TRIM71: variants seen among roughly 807,000 people sequenced by gnomAD.
The protein encoded by TRIM71 is E3 ubiquitin-protein ligase TRIM71.
TRIM71 carries 9 observed loss-of-function variants against 61.2 expected under a neutral mutation model. The observed-to-expected ratio is 0.15, with a 90% CI of 0.09 to 0.26. The LOEUF is 0.26. Among genes scored for constraint, TRIM71 ranks in the 10% least tolerant of loss-of-function variants. TRIM71 has a pLI of 1.00. For synonymous variants in TRIM71, 645 were observed against 553.2 expected (o/e 1.17, Z -2.33); for missense variants, 998 against 1,238.7 (o/e 0.81, Z 2.92).
At chr3:32,864,672 C>T (rs946585372) in intron 1 of TRIM71, among the ~76,000 whole-genome samples, 1 of 152,184 alleles carries the variant, frequency 6.6e-6, no homozygotes, top group African/African-American at 2.4e-5. Flanking sequence ...GAGTGTCTGC[C>T]GTCTGCCCTC....
intron 1 of TRIM71, among the ~76,000 whole-genome samples, chr3:32,851,471 TTTTTTG>T (rs1383050166): frequency 2.6e-5 from 4 of 152,240 alleles, no homozygotes; most frequent in South Asian, 2.1e-4. Flanking sequence ...GGAAACTTTG[TTTTTTG>T]TTTTTGTTTT....
rs1377855978 is a variant in TRIM71, at chr3:32,892,282, A to G, written c.*471A>G. On this transcript the variant is annotated 3_prime_UTR_variant, in exon 4 of 4. Coordinates refer to ENST00000383763, the MANE Select transcript of TRIM71 (RefSeq NM_001039111.3). ...AAGTAAAAAAACAAAAAACTATAAA[A>G]CATGGAAAAAATAGGATTTGAAATG... is the stretch of plus-strand genomic sequence containing the variant. 6.5e-6 allele frequency: 1 copy of G among 154,442 alleles called. No homozygotes were observed. The highest frequency in any genetic ancestry group is 2.4e-5 in the African/African-American group (1 of 41,460). The allele number at this position is 154,442 out of a possible 1,614,324, so 9.6% of individuals were successfully genotyped here. A position where few individuals can be genotyped will look rare whatever the true frequency, so the allele number is the denominator to read the frequency against.
rs556426402 is a variant in TRIM71 at position 32,831,871 on chromosome 3, G to A, written c.852+12939G>A. On this transcript the variant is annotated intron_variant, in intron 1 of 3. Coordinates refer to ENST00000383763, the MANE Select transcript of TRIM71 (RefSeq NM_001039111.3). ...CCTTAAAAGATATATTTTGGTTGAT[G>A]GCCAAGCAGTATTTGATGCCATGAA... is the stretch of plus-strand genomic sequence containing the variant. Among the ~76,000 whole-genome samples, 5 of 152,290 alleles carry A rather than the reference G, an allele frequency of 3.3e-5. No homozygotes were observed. The South Asian group carries it at 1.0e-3, about 32-fold the overall frequency.
chr3:32,858,875 A>G (rs1696634692), intron 1 of TRIM71, among the ~76,000 whole-genome samples: 1 of 152,182 alleles, frequency 6.6e-6, no homozygotes, highest in South Asian at 2.1e-4. Flanking sequence ...TCGATTATGT[A>G]ACTGAAACCA....
chr3:32,833,004 G>A (rs539280784), intron 1 of TRIM71, among the ~76,000 whole-genome samples: 2 of 151,622 alleles, frequency 1.3e-5, no homozygotes, highest in Non-Finnish European at 2.9e-5. Context: ...GTGAAACCCC[G>A]TCTCTACTAA....
At chr3:32,824,965 T>C (rs1696184751) in intron 1 of TRIM71, among the ~76,000 whole-genome samples, 1 of 152,068 alleles carries the variant, frequency 6.6e-6, no homozygotes, top group Non-Finnish European at 1.5e-5. Flanking sequence ...TGGCTAATTT[T>C]TGTATTTTTA....
rs373210826 is a variant in TRIM71, at chr3:32,878,632, A to G, written c.1020+4647A>G. ...CCCTGTCTCAAAAAAATAAATGAATAAATAAATAAAAATTTTAAAAATTCC... is the reference window on the plus strand; with the variant it reads ...CCCTGTCTCAAAAAAATAAATGAATGAATAAATAAAAATTTTAAAAATTCC... On this transcript the variant is annotated intron_variant, in intron 2 of 3. Transcript: ENST00000383763. Among the ~76,000 whole-genome samples the G allele has an allele frequency of 5.7e-5, 8 of 141,118 alleles. No individual in the cohort carries two copies. In the South Asian group the frequency reaches 8.6e-4, roughly 15 times the overall value. 92.6% of individuals were successfully genotyped at this position (141,118 alleles called of 152,430 possible).
chr3:32,844,751 G>A (rs944839477), intron 1 of TRIM71, among the ~76,000 whole-genome samples: 8 of 152,060 alleles, frequency 5.3e-5, no homozygotes, highest in South Asian at 2.1e-4. Flanking sequence ...TGATGAAGTC[G>A]GTTAACCAAC....
chr3:32,864,469 G>T (rs949198293), intron 1 of TRIM71, among the ~76,000 whole-genome samples: 4 of 152,224 alleles, frequency 2.6e-5, no homozygotes, highest in Admixed American at 2.0e-4. Flanking sequence ...AGATAACAAG[G>T]TGCCAGCCCA....
Position 32,886,027 on chromosome 3 carries a change from A to G in TRIM71, c.1114A>G (p.Lys372Glu). 2 of 1,614,152 alleles carry G rather than the reference A, an allele frequency of 1.2e-6. No individual in the cohort carries two copies. The highest frequency in any genetic ancestry group is 1.7e-6 in the Non-Finnish European group (2 of 1,180,000). ...SEVKAVTARH[K>E]KALEERECEL... The stretch of plus-strand genomic sequence containing the variant: ...GGTCAAAGCCGTGACGGCGAGGCAT[A>G]AGAAAGCCCTGGAGGAACGCGAGTG... The change falls in exon 3 of 4, where the codon AAG (lysine) becomes GAG (glutamate). Residue 372 changes from lysine (K) to glutamate (E), a missense_variant. By Grantham distance (56) the Lys-to-Glu change is moderately conservative (BLOSUM62 1). This residue lies in a region of TRIM71 where 291 missense variants were observed against 431.2 expected (regional missense o/e 0.67). Transcript: ENST00000383763.
At chr3:32,843,358 G>A (rs1696433443) in intron 1 of TRIM71, among the ~76,000 whole-genome samples, 1 of 152,138 alleles carries the variant, frequency 6.6e-6, no homozygotes, top group Non-Finnish European at 1.5e-5. Flanking sequence ...ATCAACCAGA[G>A]TTCTAAGGCA....
rs114209930 is a variant in TRIM71 at position 32,822,082 on chromosome 3, C to A, written c.852+3150C>A. Among the ~76,000 whole-genome samples the A allele has an allele frequency of 7.8e-3, 1,185 of 152,224 alleles. 11 individuals carry two copies. Among genetic ancestry groups the A allele is most frequent in the Non-Finnish European group, 0.013 (854 of 67,998 alleles). On this transcript the variant is annotated intron_variant, in intron 1 of 3. Transcript: ENST00000383763. ...CCCTTTGCAGCCTTGGAGGCGACAC[C>A]GGCAGCAGAAATGCTGGGTGTGTTG...
intron 1 of TRIM71, among the ~76,000 whole-genome samples, chr3:32,854,063 A>G (rs904339497): frequency 6.6e-5 from 10 of 151,820 alleles, no homozygotes; most frequent in Admixed American, 6.6e-4. Flanking sequence ...ATCTTGGCTC[A>G]CAGCAACCTC....
chr3:32,867,073 C>G (rs186499821), intron 1 of TRIM71, among the ~76,000 whole-genome samples: 233 of 148,826 alleles, frequency 1.6e-3, no homozygotes, highest in Middle Eastern at 6.8e-3. Flanking sequence ...GTTTTCCTTT[C>G]AAATTGTCTT....
At chr3:32,846,883 T>C (rs1201545781) in intron 1 of TRIM71, among the ~76,000 whole-genome samples, 1 of 152,212 alleles carries the variant, frequency 6.6e-6, no homozygotes, top group East Asian at 1.9e-4. Context: ...TTTTAAAGGC[T>C]GAATAGTATT....
At chr3:32,826,579 G>GTTTTTTT (rs1696204240) in intron 1 of TRIM71, among the ~76,000 whole-genome samples, 7 of 48,830 alleles carry the variant, frequency 1.4e-4, no homozygotes, top group Non-Finnish European at 2.2e-4. Context: ...CATCAGGTGA[G>GTTTTTTT]TTCTTTTTTT....
rs1274097371 is a variant in TRIM71, at chr3:32,892,077, T to C, written c.*266T>C. 1.3e-5 allele frequency: 5 copies of C among 397,350 alleles called. No homozygotes were observed. The highest frequency in any genetic ancestry group is 1.1e-4 in the African/African-American group (5 of 46,520). 24.6% of individuals were successfully genotyped at this position (397,350 alleles called of 1,614,324 possible). ...ATAATTTCTATCTACCTCATAAATC[T>C]TTACATTTCCTTCTGCAACAGGCCC... On this transcript the variant is annotated 3_prime_UTR_variant, in exon 4 of 4. Coordinates refer to ENST00000383763, the MANE Select transcript of TRIM71 (RefSeq NM_001039111.3).
At chr3:32,865,493 A>G (rs570394595) in intron 1 of TRIM71, among the ~76,000 whole-genome samples, 1 of 152,246 alleles carries the variant, frequency 6.6e-6, no homozygotes, top group South Asian at 2.1e-4. Context: ...TATTCATGAA[A>G]CTACTTTGTC....
At chr3:32,830,987 T>C (rs548278017) in intron 1 of TRIM71, among the ~76,000 whole-genome samples, 1 of 152,030 alleles carries the variant, frequency 6.6e-6, no homozygotes, top group African/African-American at 2.4e-5. Flanking sequence ...ATTGTGATAT[T>C]TTTTAGCAGA....
Sources: allele counts gnomAD v4.1 joint callset (sites outside exome capture counted in the v4.1 genomes callset), GRCh38; gene constraint gnomAD v4.1.1; regional missense constraint gnomAD v4.1.1; transcripts MANE v1.5; gene names NCBI Gene and HGNC (gene_info 2026-07-23, HGNC 2026-07-21).